TMC1: variants seen among roughly 807,000 people sequenced by gnomAD.
TMC1 encodes the protein transmembrane channel like 1.
In TMC1, 84 loss-of-function variants were observed where a neutral mutation model predicts 105.8. That is an observed-to-expected ratio of 0.79 (90% CI 0.67 to 0.95). The LOEUF (loss-of-function observed/expected upper bound fraction) is 0.95. Ranked by LOEUF, TMC1 falls within the 40% of genes least tolerant of loss-of-function variation. The pLI is 0.00. For synonymous variants in TMC1, 315 were observed against 311.5 expected (o/e 1.01, Z -0.12); for missense variants, 817 against 914.1 (o/e 0.89, Z 1.37).
At chr9:72,679,352 G>A (rs1460056959) in intron 5 of TMC1, among the ~76,000 whole-genome samples, 2 of 151,814 alleles carry the variant, frequency 1.3e-5, no homozygotes, top group Non-Finnish European at 2.9e-5. Context: ...CAGGTCTATA[G>A]GCCCCTCTCT....
At chr9:72,679,750 A>T (rs1047817063) in intron 5 of TMC1, among the ~76,000 whole-genome samples, 3 of 152,098 alleles carry the variant, frequency 2.0e-5, no homozygotes, top group Non-Finnish European at 4.4e-5. Flanking sequence ...ATACCATTGT[A>T]TTGGGGGTTA....
At chr9:72,787,253 A>G (rs777092023) in intron 13 of TMC1, among the ~76,000 whole-genome samples, 1 of 152,224 alleles carries the variant, frequency 6.6e-6, no homozygotes. Context: ...GAAAGCACAC[A>G]CAATCACCAT....
chr9:72,558,168 TTC>T (rs968870403), intron 1 of TMC1, among the ~76,000 whole-genome samples: 13 of 150,416 alleles, frequency 8.6e-5, no homozygotes, highest in African/African-American at 9.7e-5. Flanking sequence ...CTTTCTCTCT[TTC>T]TCTCTCTCTC....
At chr9:72,691,363 G>C (rs1192205485) in intron 6 of TMC1, among the ~76,000 whole-genome samples, 1 of 151,998 alleles carries the variant, frequency 6.6e-6, no homozygotes, top group African/African-American at 2.4e-5. Context: ...ATGTTTTCCT[G>C]TTTCTTTATT....
intron 5 of TMC1, among the ~76,000 whole-genome samples, chr9:72,655,538 C>G (rs973443719): frequency 6.6e-6 from 1 of 151,938 alleles, no homozygotes; most frequent in Non-Finnish European, 1.5e-5. Context: ...GTCAAGAGAT[C>G]GAGACCATCC....
intron 23 of TMC1, among the ~76,000 whole-genome samples, chr9:72,835,209 T>C (rs1369511063): frequency 6.6e-6 from 1 of 152,206 alleles, no homozygotes; most frequent in African/African-American, 2.4e-5. Flanking sequence ...CAATTCAATG[T>C]ATTTACCTCC....
At chr9:72,819,992 C>A (rs188096917) in intron 19 of TMC1, among the ~76,000 whole-genome samples, 1 of 152,206 alleles carries the variant, frequency 6.6e-6, no homozygotes, top group Admixed American at 6.5e-5. Context: ...GTAAAAGTGA[C>A]CACACCTAAG....
chr9:72,819,354 A>G (rs1245013408), intron 19 of TMC1, among the ~76,000 whole-genome samples: 1 of 152,198 alleles, frequency 6.6e-6, no homozygotes, highest in Non-Finnish European at 1.5e-5. Flanking sequence ...ATCAACATGT[A>G]TTGGTATTGG....
At chr9:72,585,251 C>T (rs1048476095) in intron 2 of TMC1, among the ~76,000 whole-genome samples, 7 of 150,142 alleles carry the variant, frequency 4.7e-5, no homozygotes, top group African/African-American at 7.4e-5. Context: ...CCTGGGTTCA[C>T]GCCATTCTCC....
chr9:72,571,214 T>C (rs1024102220), intron 1 of TMC1, among the ~76,000 whole-genome samples: 19 of 150,584 alleles, frequency 1.3e-4, no homozygotes, highest in Non-Finnish European at 3.0e-5. Context: ...TCCCAGCTAC[T>C]TGGGAGGCTG....
chr9:72,661,636 C>T (rs1387040096), intron 5 of TMC1, among the ~76,000 whole-genome samples: 1 of 152,226 alleles, frequency 6.6e-6, no homozygotes, highest in Non-Finnish European at 1.5e-5. Context: ...AGTGCTTTGG[C>T]ATGGAGATAT....
intron 8 of TMC1, 77 bp downstream of exon 8, chr9:72,700,720 A>G (rs981891004): frequency 1.9e-5 from 4 of 213,100 alleles, no homozygotes; most frequent in Non-Finnish European, 3.7e-5. Context: ...TTCCATATAT[A>G]TATATATATA....
intron 5 of TMC1, among the ~76,000 whole-genome samples, chr9:72,658,484 CTTAACTCTT>C (rs767645720): frequency 1.3e-5 from 2 of 152,156 alleles, no homozygotes; most frequent in Non-Finnish European, 2.9e-5. Flanking sequence ...GCTTCTATTC[CTTAACTCTT>C]TTAACTCTTT....
intron 6 of TMC1, among the ~76,000 whole-genome samples, chr9:72,692,701 G>T (rs902148934): frequency 2.6e-5 from 4 of 152,132 alleles, no homozygotes; most frequent in African/African-American, 9.7e-5. Context: ...TAAAAGCAGG[G>T]TAAATATTCA....
intron 13 of TMC1, among the ~76,000 whole-genome samples, chr9:72,784,897 C>A (rs889985869): frequency 1.3e-5 from 2 of 152,106 alleles, no homozygotes; most frequent in African/African-American, 4.8e-5. Context: ...ATTGAGTACA[C>A]ATGGATGCAA....
intron 1 of TMC1, among the ~76,000 whole-genome samples, chr9:72,570,525 T>C (rs1291632968): frequency 6.6e-6 from 1 of 152,018 alleles, no homozygotes; most frequent in East Asian, 1.9e-4. Context: ...TTCATTATAT[T>C]TTATGGGATC....
intron 5 of TMC1, among the ~76,000 whole-genome samples, chr9:72,669,248 G>A (rs1826090949): frequency 6.6e-6 from 1 of 152,146 alleles, no homozygotes; most frequent in Non-Finnish European, 1.5e-5. Flanking sequence ...GGCGGAGGTA[G>A]CAGTGAGCTG....
chr9:72,725,325 GTATATATATA>G lies in TMC1; in HGVS notation c.363-14760_363-14751del, dbSNP rs57562145. 6.9e-3 allele frequency among the ~76,000 whole-genome samples: 537 copies of G among 77,676 alleles called. 9 individuals are homozygous for G. Among genetic ancestry groups the G allele is most frequent in the Non-Finnish European group, 9.1e-3 (326 of 35,692 alleles). 51.0% of individuals were successfully genotyped at this position (77,676 alleles called of 152,430 possible). ...CCACACACACATTTTATGTGTGTAT[GTATATATATA>G]TATATATATATATATATATATATAT... On this transcript the variant is annotated intron_variant, in intron 8 of 23. Coordinates refer to ENST00000297784, the MANE Select transcript of TMC1 (RefSeq NM_138691.3).
intron 2 of TMC1, among the ~76,000 whole-genome samples, chr9:72,593,794 G>C (rs1824677675): frequency 6.6e-6 from 1 of 152,086 alleles, no homozygotes; most frequent in Admixed American, 6.5e-5. Context: ...AAGACTGAAG[G>C]GTATTTTGGA....
Sources: gnomAD v4.1 joint callset for allele counts (sites outside exome capture counted in the v4.1 genomes callset) on GRCh38, gnomAD v4.1.1 for gene constraint, MANE v1.5 for transcripts, NCBI Gene and HGNC (gene_info 2026-07-23, HGNC 2026-07-21) for gene names.